Variants in EXTL3 observed in about 807,000 individuals in gnomAD.
EXTL3 encodes exostosin-like 3.
Under a neutral mutation model 69.3 loss-of-function variants are expected in EXTL3, and 27 were observed. The ratio of observed to expected loss-of-function variants is 0.39; its 90% confidence interval spans 0.29 to 0.54. The LOEUF (loss-of-function observed/expected upper bound fraction) is 0.54. Among genes scored for constraint, EXTL3 ranks in the 20% least tolerant of loss-of-function variants. The pLI, the probability that EXTL3 is intolerant of heterozygous loss-of-function variation, is 0.69. For missense variants in EXTL3, 1,003 were observed against 1,231.8 expected (o/e 0.81, Z 2.78); for synonymous variants, 511 against 499.4 (o/e 1.02, Z -0.31).
intron 5 of EXTL3, 56 bp from the exon 6 acceptor site, chr8:28,743,030 A>G (rs1286678098): frequency 6.2e-7 from 1 of 1,611,096 alleles, no homozygotes; most frequent in East Asian, 2.2e-5. Flanking sequence ...TTTGGCTGAA[A>G]GCCAACAACC....
chr8:28,725,127 T>C (rs1043114066), intron 3 of EXTL3, among the ~76,000 whole-genome samples: 1 of 152,176 alleles, frequency 6.6e-6, no homozygotes, highest in African/African-American at 2.4e-5. Context: ...TATGTACGTA[T>C]ATATGTTTTG....
At chr8:28,612,167 A>G (rs1806280229) in intron 2 of EXTL3, among the ~76,000 whole-genome samples, 2 of 152,276 alleles carry the variant, frequency 1.3e-5, no homozygotes, top group South Asian at 4.1e-4. Context: ...AACTCTAGCA[A>G]GGTGGGCCAG....
rs1240100607 is a variant in EXTL3, at chr8:28,660,931, TGAG to T, written c.-53+38122_-53+38124del. On this transcript the variant is annotated intron_variant, in intron 1 of 6. Transcript: ENST00000523149. ...TTCGTTTCTTTTTTTTTTTTTTTTT[TGAG>T]ACAGAGTCTTGCTCTGTTGCCCAGG... 3.8e-5 allele frequency among the ~76,000 whole-genome samples: 5 copies of T among 129,914 alleles called. No individual in the cohort carries two copies. In the Admixed American group the frequency reaches 3.9e-4, roughly 10 times the overall value. The allele number at this position is 129,914 out of a possible 152,430, so 85.2% of individuals were successfully genotyped here. A position where few individuals can be genotyped will look rare whatever the true frequency, so the allele number is the denominator to read the frequency against.
intron 1 of EXTL3, among the ~76,000 whole-genome samples, chr8:28,665,851 G>A (rs1336991962): frequency 6.6e-6 from 1 of 152,216 alleles, no homozygotes; most frequent in East Asian, 1.9e-4. Context: ...AAAGCTGAAT[G>A]TGTTTAAGAC....
chr8:28,634,133 T>C (rs1242542135), intron 1 of EXTL3, among the ~76,000 whole-genome samples: 1 of 152,236 alleles, frequency 6.6e-6, no homozygotes, highest in Admixed American at 6.5e-5. Context: ...CTGAGAAATC[T>C]GGGATCTCTG....
intron 1 of EXTL3, among the ~76,000 whole-genome samples, chr8:28,624,439 T>C (rs1806461403): frequency 1.3e-5 from 2 of 152,096 alleles, no homozygotes; most frequent in African/African-American, 4.8e-5. Context: ...AGTGAGCACC[T>C]GTGGTCTCAG....
At position 28,716,974 on chromosome 8, in the gene EXTL3, T is replaced by C. The variant is rs560087621; in HGVS notation, c.915T>C (p.Thr305=). Reference sequence around the variant, plus strand: ...TGGTGGCCCAGTCCACCTTCTACACTGTCCAGTACAGACCTGGCTTTGACT... The same window carrying C: ...TGGTGGCCCAGTCCACCTTCTACACCGTCCAGTACAGACCTGGCTTTGACT... ...RAMVAQSTFY[T]VQYRPGFDLV... The change falls in exon 3 of 7, where the codon ACT becomes ACC. Residue 305 remains threonine, a synonymous_variant. Coordinates refer to ENST00000220562, the MANE Select transcript of EXTL3 (RefSeq NM_001440.4). The surrounding 1 kb of genome is among the most constrained non-coding windows in gnomAD (Gnocchi z 7.1). 6.2e-7 allele frequency: 1 copy of C among 1,614,222 alleles called. No individual in the cohort carries two copies. The highest frequency in any genetic ancestry group is 1.1e-5 in the South Asian group (1 of 91,090).
rs200375528 is a variant in EXTL3 at position 28,717,739 on chromosome 8, G to T, written c.1680G>T (p.Ala560=). 1.2e-6 allele frequency: 2 copies of T among 1,614,236 alleles called. No individual in the cohort carries two copies. The highest frequency in any genetic ancestry group is 2.2e-5 in the South Asian group (2 of 91,084). ...AAEIPHRSGK[A]AGTDPNMADN... ...AGATCCCCCACCGTTCAGGCAAGGCGGCTGGAACTGACCCCAACATGGCTG... is the reference window on the plus strand; with the variant it reads ...AGATCCCCCACCGTTCAGGCAAGGCTGCTGGAACTGACCCCAACATGGCTG... The change falls in exon 3 of 7, where the codon GCG becomes GCT. Residue 560 remains alanine (A), a synonymous_variant. Transcript: ENST00000220562. The surrounding 1 kb of genome is among the most constrained non-coding windows in gnomAD (Gnocchi z 8.3).
intron 1 of EXTL3, among the ~76,000 whole-genome samples, chr8:28,702,134 C>T (rs1041872841): frequency 1.3e-5 from 2 of 152,196 alleles, no homozygotes; most frequent in African/African-American, 4.8e-5. Context: ...TACCCCCACC[C>T]CTTCCCGAGC....
intron 5 of EXTL3, 141 bp from the exon 6 acceptor site, chr8:28,742,945 C>A: frequency 1.2e-6 from 1 of 858,454 alleles, no homozygotes; most frequent in East Asian, 2.4e-5. Flanking sequence ...CTCGAATCCC[C>A]TGCCCCAGTC....
Position 28,648,338 on chromosome 8 carries a change from C to G in EXTL3, c.-53+25528C>G, listed in dbSNP as rs146913546. ...GGAAAGATGTGATTCCTCAGCTCCT[C>G]CAGCTCCCCCATATCCCTCTTCCTC... On this transcript the variant is annotated intron_variant, in intron 1 of 6. Transcript: ENST00000523149. Among the ~76,000 whole-genome samples, 402 of 152,242 alleles carry G rather than the reference C, an allele frequency of 2.6e-3. 1 individual carries two copies. Among genetic ancestry groups the G allele is most frequent in the South Asian group, 3.9e-3 (19 of 4,822 alleles).
intron 3 of EXTL3, among the ~76,000 whole-genome samples, chr8:28,729,556 A>T (rs1436619129): frequency 7.5e-6 from 1 of 132,548 alleles, no homozygotes; most frequent in Non-Finnish European, 1.5e-5. Context: ...AGATTGCGCG[A>T]CTGCACTCCA....
Position 28,617,721 on chromosome 8 carries a change from A to G in EXTL3, n.314+9963A>G, listed in dbSNP as rs1380172901. ...ATCACTTAAGCCCAGGAAAATGGAGACTGCAGTGAGATAGTGCCACTGCGC... is the reference window on the plus strand; with the variant it reads ...ATCACTTAAGCCCAGGAAAATGGAGGCTGCAGTGAGATAGTGCCACTGCGC... On this transcript the variant is annotated intron_variant and non_coding_transcript_variant, in intron 2 of 4. Transcript: ENST00000522725. Among the ~76,000 whole-genome samples, 5 of 152,188 alleles carry G rather than the reference A, an allele frequency of 3.3e-5. No individual in the cohort carries two copies. The South Asian group carries it at 1.0e-3, about 31-fold the overall frequency.
chr8:28,620,309 A>G (rs1167157750), upstream of EXTL3, among the ~76,000 whole-genome samples: 1 of 152,090 alleles, frequency 6.6e-6, no homozygotes, highest in Non-Finnish European at 1.5e-5. Context: ...ACATTGTAGA[A>G]CTTCTCATTT....
intron 1 of EXTL3, among the ~76,000 whole-genome samples, chr8:28,689,617 T>C (rs1000875256): frequency 1.3e-5 from 2 of 152,234 alleles, no homozygotes; most frequent in Non-Finnish European, 2.9e-5. Flanking sequence ...GTTTTAAAGG[T>C]GGAAGGAAGG....
chr8:28,643,443 C>G (rs933419401), intron 1 of EXTL3, among the ~76,000 whole-genome samples: 3 of 101,620 alleles, frequency 3.0e-5, no homozygotes, highest in African/African-American at 1.4e-4. Context: ...GAGACAGAGT[C>G]TCGCTCTTTC....
At chr8:28,663,165 T>A in intron 1 of EXTL3, among the ~76,000 whole-genome samples, 1 of 152,148 alleles carries the variant, frequency 6.6e-6, no homozygotes, top group East Asian at 1.9e-4. Context: ...CAAAAGCAAA[T>A]TTTACTCAGT....
intron 1 of EXTL3, among the ~76,000 whole-genome samples, chr8:28,693,972 T>G (rs1207321185): frequency 6.6e-6 from 1 of 152,262 alleles, no homozygotes; most frequent in Non-Finnish European, 1.5e-5. Context: ...CTTATCTGAC[T>G]TAACCTCACT....
intron 1 of EXTL3, among the ~76,000 whole-genome samples, chr8:28,671,309 G>GTTTTTTTTTTTTTTTT (rs749395423): frequency 1.1e-5 from 1 of 89,600 alleles, no homozygotes; most frequent in Non-Finnish European, 2.3e-5. Flanking sequence ...TTTGTTTTTT[G>GTTTTTTTTTTTTTTTT]TTTTTTTTTT....
Sources: gnomAD v4.1 joint callset for allele counts (sites outside exome capture counted in the v4.1 genomes callset) on GRCh38, gnomAD v4.1.1 for gene constraint, Gnocchi (gnomAD v3.1) non-coding constraint, MANE v1.5 for transcripts, NCBI Gene and HGNC (gene_info 2026-07-23, HGNC 2026-07-21) for gene names.